Variants in WT1 observed in about 807,000 individuals in gnomAD.
The protein encoded by WT1 is WT1 transcription factor.
WT1 carries 8 observed loss-of-function variants against 60.8 expected under a neutral mutation model. That is an observed-to-expected ratio of 0.13 (90% CI 0.08 to 0.24). The LOEUF (loss-of-function observed/expected upper bound fraction) is 0.24, where lower values mean the gene tolerates loss of function less well. Ranked by LOEUF, WT1 falls within the 10% of genes least tolerant of loss-of-function variation. The pLI, the probability that WT1 is intolerant of heterozygous loss-of-function variation, is 1.00. For missense variants in WT1, 568 were observed against 711.8 expected (o/e 0.80, Z 2.30); for synonymous variants, 312 against 297.1 (o/e 1.05, Z -0.52).
chr11:32,391,923 A>G (rs1297832085), intron 9 of WT1, 49 bp downstream of exon 9: 1 of 1,569,498 alleles, frequency 6.4e-7, no homozygotes, highest in Non-Finnish European at 8.8e-7. Context: ...TCATTCCACA[A>G]TAGTTTAAAA....
chr11:32,434,383 C>T (rs1853414345), intron 1 of WT1, among the ~76,000 whole-genome samples: 1 of 152,254 alleles, frequency 6.6e-6, no homozygotes. Flanking sequence ...CTGCGCCGGT[C>T]TCCTGGTTCC....
At chr11:32,426,752 C>T (rs1853055540) in intron 3 of WT1, among the ~76,000 whole-genome samples, 1 of 152,220 alleles carries the variant, frequency 6.6e-6, no homozygotes. Flanking sequence ...AGGGGCGCAT[C>T]CCTGCACCTC....
In WT1 at chr11:32,399,929, G is replaced by A. The variant is rs2132956439; in HGVS notation, c.1113+19C>T. 6.2e-7 allele frequency: 1 copy of A among 1,613,692 alleles called. No individual in the cohort carries two copies. The stretch of plus-strand genomic sequence containing the variant: ...GGCAGTGCGGCCCCCTTCCCGCTGG[G>A]GCCTGTCTGTGTGCTCACCTGAATG... On this transcript the variant is annotated intron_variant, in intron 6 of 9. Transcript: ENST00000452863.
chr11:32,435,326 G>T lies in WT1; in HGVS notation c.35C>A (p.Thr12Lys). The T allele has an allele frequency of 6.5e-7, 1 of 1,532,528 alleles. No individual in the cohort carries two copies. The highest frequency in any genetic ancestry group is 2.2e-4 in the Middle Eastern group (1 of 4,450). The allele number at this position is 1,532,528 out of a possible 1,614,324, so 94.9% of individuals were successfully genotyped here. A position where few individuals can be genotyped will look rare whatever the true frequency, so the allele number is the denominator to read the frequency against. Reference sequence around the variant, plus strand: ...CTGAGACGCCGGCTCCGGGACACACGTGGAAGCCGGGTCCTGCAGCAAGAG... The same window carrying T: ...CTGAGACGCCGGCTCCGGGACACACTTGGAAGCCGGGTCCTGCAGCAAGAG... Residue 12 changes from threonine to lysine, a missense_variant, in exon 1 of 10, where the codon ACG becomes AAG. Transcript: ENST00000452863.
chr11:32,395,761 CT>C (rs74309158), intron 7 of WT1, among the ~76,000 whole-genome samples: 23,368 of 149,546 alleles, frequency 0.16, 2,745 homozygotes, highest in East Asian at 0.65. Flanking sequence ...CATGACTGAC[CT>C]TTTTTTTTTA....
At chr11:32,422,541 T>C (rs1398670828) in intron 3 of WT1, among the ~76,000 whole-genome samples, 1 of 152,274 alleles carries the variant, frequency 6.6e-6, no homozygotes, top group East Asian at 1.9e-4. Flanking sequence ...TTTTATTTTC[T>C]TGGGCATGGG....
chr11:32,415,409 G>C (rs570586802), intron 5 of WT1, among the ~76,000 whole-genome samples: 2 of 152,222 alleles, frequency 1.3e-5, no homozygotes, highest in African/African-American at 4.8e-5. Flanking sequence ...AGCACTTCGG[G>C]AGATCAAGGT....
intron 4 of WT1, 86 bp downstream of exon 4, chr11:32,417,491 T>C: frequency 1.6e-6 from 2 of 1,262,340 alleles, no homozygotes; most frequent in Admixed American, 1.7e-5. Context: ...AAAACTGTAC[T>C]TTCTTCATAA....
intron 8 of WT1, 131 bp from the exon 9 acceptor site, chr11:32,392,195 C>T: frequency 1.2e-6 from 1 of 817,956 alleles, no homozygotes; most frequent in Non-Finnish European, 2.1e-6. Context: ...TCTGCCTCAC[C>T]CTTAGATTTC....
chr11:32,430,489 A>AGAGAGAGAGAGAGAGAGAGT, intron 1 of WT1: 1 of 1,571,636 alleles, frequency 6.4e-7, no homozygotes, highest in African/African-American at 1.4e-5. Context: ...AGAGAGAGAG[A>AGAGAGAGAGAGAGAGAGAGT]GACGAAATAG....
intron 5 of WT1, among the ~76,000 whole-genome samples, chr11:32,408,677 A>G (rs1369649833): frequency 6.6e-6 from 1 of 152,150 alleles, no homozygotes; most frequent in African/African-American, 2.4e-5. Context: ...ACTGTAAGAT[A>G]AAACAATCTG....
In WT1 at chr11:32,426,692, G is replaced by GA. The variant is rs550584836; in HGVS notation, c.887+1263_887+1264insT. On this transcript the variant is annotated intron_variant, in intron 3 of 9. Transcript: ENST00000452863. ...AACCGGATGTTCCGGGGGAAAAAAA[G>GA]GAAAAAAAAAGGTTTCTCCAGTCCG... Among the ~76,000 whole-genome samples, 419 of 151,056 alleles carry GA rather than the reference G, an allele frequency of 2.8e-3. 4 individuals are homozygous for GA. Among genetic ancestry groups the GA allele is most frequent in the South Asian group, 0.021 (101 of 4,758 alleles).
chr11:32,428,705 G>GC (rs1211788208), intron 1 of WT1, 86 bp from the exon 2 acceptor site: 1 of 1,546,854 alleles, frequency 6.5e-7, no homozygotes, highest in Non-Finnish European at 8.7e-7. Flanking sequence ...GGGCGGGGGG[G>GC]GTGTGCGCTG....
chr11:32,395,521 G>A (rs1470252645), intron 7 of WT1, among the ~76,000 whole-genome samples: 5 of 151,342 alleles, frequency 3.3e-5, no homozygotes, highest in Non-Finnish European at 7.4e-5. Flanking sequence ...GCCCAGGCTG[G>A]AGTACAGTGG....
Position 32,388,975 on chromosome 11 carries a change from TGAG to T in WT1, c.*80_*82del. 3.1e-6 allele frequency: 5 copies of T among 1,604,858 alleles called. No individual in the cohort carries two copies. In the South Asian group the frequency reaches 5.5e-5, roughly 18 times the overall value. On this transcript the variant is annotated 3_prime_UTR_variant, in exon 10 of 10. Transcript: ENST00000452863. ...AGATCAACTGAAGTTTCCTTTTTAG[TGAG>T]GAGGAGTGGAGAGTCAGACTTGAAA...
At chr11:32,424,160 CAA>C (rs10690035) in intron 3 of WT1, among the ~76,000 whole-genome samples, 7,606 of 92,232 alleles carry the variant, frequency 0.082, 233 homozygotes, top group Non-Finnish European at 0.1. Context: ...GATGCCATCT[CAA>C]AAAAAAAAAA....
At chr11:32,430,375 G>A (rs72893517) in intron 1 of WT1, among the ~76,000 whole-genome samples, 1 of 149,958 alleles carries the variant, frequency 6.7e-6, no homozygotes, top group African/African-American at 2.5e-5. Flanking sequence ...TGCCCGGAGT[G>A]AAGGCCGAAT....
chr11:32,422,524 A>G (rs1477806850), intron 3 of WT1, among the ~76,000 whole-genome samples: 3 of 152,226 alleles, frequency 2.0e-5, no homozygotes, highest in African/African-American at 7.2e-5. Flanking sequence ...GGCATTATTA[A>G]TTACAATTTT....
chr11:32,416,973 A>C (rs5030206), intron 4 of WT1, among the ~76,000 whole-genome samples: 346 of 152,314 alleles, frequency 2.3e-3, no homozygotes, highest in African/African-American at 7.9e-3. Context: ...ACTTGGTAGA[A>C]AATGAAAAGT....
Sources: gnomAD v4.1 joint callset for allele counts (sites outside exome capture counted in the v4.1 genomes callset) on GRCh38, gnomAD v4.1.1 for gene constraint, MANE v1.5 for transcripts, NCBI Gene and HGNC (gene_info 2026-07-23, HGNC 2026-07-21) for gene names.